Variants in SPOCK1 observed in about 807,000 individuals in gnomAD.
The protein encoded by SPOCK1 is testican-1.
In SPOCK1, 23 loss-of-function variants were observed where a neutral mutation model predicts 55.3. The observed-to-expected ratio is 0.42, with a 90% confidence interval of 0.30 to 0.59. The LOEUF (loss-of-function observed/expected upper bound fraction) is 0.59. Ranked by LOEUF, SPOCK1 falls within the 20% of genes least tolerant of loss-of-function variation. SPOCK1 has a pLI of 0.22. For synonymous variants in SPOCK1, 226 were observed against 221.0 expected, an observed-to-expected ratio of 1.02 and a Z score of -0.20; for missense variants, 499 against 552.5, an observed-to-expected ratio of 0.90 and a Z score of 0.97.
At chr5:137,297,301 A>T (rs1757507640) in intron 2 of SPOCK1, among the ~76,000 whole-genome samples, 1 of 152,236 alleles carries the variant, frequency 6.6e-6, no homozygotes, top group African/African-American at 2.4e-5. Flanking sequence ...ACTATGATTC[A>T]TTCACTCCAC....
intron 6 of SPOCK1, among the ~76,000 whole-genome samples, chr5:136,996,141 T>C (rs1751036141): frequency 6.6e-6 from 1 of 152,066 alleles, no homozygotes; most frequent in African/African-American, 2.4e-5. Context: ...TCGCCCCCAA[T>C]AAAGGTGTGA....
chr5:137,113,686 A>C (rs1338598528), intron 4 of SPOCK1, among the ~76,000 whole-genome samples: 3 of 152,202 alleles, frequency 2.0e-5, no homozygotes, highest in Non-Finnish European at 4.4e-5. Flanking sequence ...GTGCCTGCAA[A>C]ATAGGAAGCA....
intron 4 of SPOCK1, among the ~76,000 whole-genome samples, chr5:137,119,593 C>G (rs1026154758): frequency 2.0e-5 from 3 of 152,264 alleles, no homozygotes; most frequent in African/African-American, 7.2e-5. Context: ...AGATCCCAGA[C>G]GTGAAAGCAT....
chr5:137,118,070 A>T (rs1368450915), intron 4 of SPOCK1, among the ~76,000 whole-genome samples: 2 of 152,242 alleles, frequency 1.3e-5, no homozygotes, highest in Admixed American at 1.3e-4. Context: ...ATCCAACATT[A>T]TTGGGTAGTA....
At chr5:137,149,083 C>A (rs182341346) in intron 3 of SPOCK1, among the ~76,000 whole-genome samples, 5 of 152,266 alleles carry the variant, frequency 3.3e-5, no homozygotes, top group Admixed American at 2.6e-4. Flanking sequence ...TACAAAAGTG[C>A]GAGCTGCTTT....
At chr5:137,120,938 C>T (rs1753672459) in intron 4 of SPOCK1, among the ~76,000 whole-genome samples, 2 of 152,168 alleles carry the variant, frequency 1.3e-5, no homozygotes, top group Admixed American at 6.5e-5. Flanking sequence ...ATCTTCCTGA[C>T]CAGTCCTCAA....
chr5:137,302,466 A>G (rs986740036), intron 2 of SPOCK1, among the ~76,000 whole-genome samples: 26 of 151,190 alleles, frequency 1.7e-4, no homozygotes, highest in Admixed American at 1.4e-3. Flanking sequence ...AGTCCCAGCT[A>G]CTCGGGAGGC....
intron 5 of SPOCK1, among the ~76,000 whole-genome samples, chr5:137,102,643 T>C (rs1753292270): frequency 6.6e-6 from 1 of 152,206 alleles, no homozygotes; most frequent in African/African-American, 2.4e-5. Context: ...GGTTTTTCAC[T>C]CGTGGAAGTA....
rs529465600 is a variant in SPOCK1, at chr5:137,479,880, C to T, written c.186+18493G>A. Among the ~76,000 whole-genome samples the T allele has an allele frequency of 3.9e-5, 6 of 152,290 alleles. No individual in the cohort carries two copies. In the South Asian group the frequency reaches 6.2e-4, roughly 16 times the overall value. On this transcript the variant is annotated intron_variant, in intron 2 of 10. Coordinates refer to ENST00000394945, the MANE Select transcript of SPOCK1 (RefSeq NM_004598.4). ...AAGAGGTTGACCTGGATTCAAACCA[C>T]TGCATCAAGAAATTATATAGTAGGC...
chr5:137,142,081 C>T (rs546478448), intron 3 of SPOCK1, among the ~76,000 whole-genome samples: 1 of 152,208 alleles, frequency 6.6e-6, no homozygotes, highest in African/African-American at 2.4e-5. Context: ...AGCAGTAAAT[C>T]TTTCATAACT....
At chr5:137,423,856 A>C (rs1026245028) in intron 2 of SPOCK1, among the ~76,000 whole-genome samples, 1 of 152,074 alleles carries the variant, frequency 6.6e-6, no homozygotes, top group African/African-American at 2.4e-5. Context: ...TGCAGAAATC[A>C]CCTGTCTTCT....
intron 4 of SPOCK1, among the ~76,000 whole-genome samples, chr5:137,137,358 A>G (rs190751580): frequency 2.0e-5 from 3 of 152,176 alleles, no homozygotes; most frequent in Non-Finnish European, 4.4e-5. Flanking sequence ...CCCTGGTCAG[A>G]GGGGACTCCT....
chr5:137,039,310 G>T (rs1014805861), intron 6 of SPOCK1, among the ~76,000 whole-genome samples: 1 of 113,038 alleles, frequency 8.8e-6, no homozygotes, highest in Non-Finnish European at 1.8e-5. Context: ...TTGTTGCAAC[G>T]GGGACATTCT....
intron 2 of SPOCK1, among the ~76,000 whole-genome samples, chr5:137,414,617 A>G (rs1277904612): frequency 6.6e-6 from 1 of 152,206 alleles, no homozygotes; most frequent in Non-Finnish European, 1.5e-5. Context: ...CCTTCTGGTC[A>G]TGATTTATTG....
chr5:137,041,774 G>C (rs1752004423), intron 6 of SPOCK1, among the ~76,000 whole-genome samples: 1 of 152,152 alleles, frequency 6.6e-6, no homozygotes, highest in Non-Finnish European at 1.5e-5. Flanking sequence ...ACCTATTATA[G>C]TGTCTAAAAT....
rs568439690 is a variant in SPOCK1, at chr5:136,996,867, C to T, written c.590-4267G>A. 9.2e-5 allele frequency among the ~76,000 whole-genome samples: 14 copies of T among 152,174 alleles called. No homozygotes were observed. The South Asian group carries it at 1.0e-3, about 11-fold the overall frequency. ...AAAAGCTGGCCACCCCAGCCAGCAG[C>T]GGCAACCCTCTCGGTTCCCCTTCCA... On this transcript the variant is annotated intron_variant, in intron 6 of 10. Coordinates refer to ENST00000394945, the MANE Select transcript of SPOCK1 (RefSeq NM_004598.4).
intron 2 of SPOCK1, among the ~76,000 whole-genome samples, chr5:137,393,937 T>C (rs980300659): frequency 1.3e-5 from 2 of 152,302 alleles, no homozygotes; most frequent in South Asian, 4.1e-4. Flanking sequence ...ATGAGTTATG[T>C]TTTAGGGTTT....
intron 2 of SPOCK1, among the ~76,000 whole-genome samples, chr5:137,304,044 T>A (rs547319591): frequency 1.9e-4 from 27 of 140,890 alleles, no homozygotes; most frequent in Admixed American, 4.4e-4. Flanking sequence ...TTTAGATGAC[T>A]TTTTCCCCAA....
intron 3 of SPOCK1, among the ~76,000 whole-genome samples, chr5:137,200,171 C>T (rs1755399659): frequency 6.6e-6 from 1 of 152,126 alleles, no homozygotes; most frequent in South Asian, 2.1e-4. Flanking sequence ...AAATATTTTC[C>T]ACCCCCTCCA....
Sources: gnomAD v4.1 joint callset for allele counts (sites outside exome capture counted in the v4.1 genomes callset) on GRCh38, gnomAD v4.1.1 for gene constraint, MANE v1.5 for transcripts, NCBI Gene and HGNC (gene_info 2026-07-23, HGNC 2026-07-21) for gene names.